Variants in INSYN2B observed in about 807,000 individuals in gnomAD.
INSYN2B encodes protein INSYN2B.
Under a neutral mutation model 41.2 loss-of-function variants are expected in INSYN2B, and 16 were observed. That is an observed-to-expected ratio of 0.39 (90% confidence interval 0.26 to 0.59). INSYN2B has a LOEUF of 0.59. Among genes scored for constraint, INSYN2B ranks in the 20% least tolerant of loss-of-function variants. The probability of loss-of-function intolerance (pLI) is 0.57; values close to 1 mark genes in which losing one functional copy is unlikely to be tolerated. For missense variants in INSYN2B, 608 were observed against 646.4 expected, an observed-to-expected ratio of 0.94 and a Z score of 0.64; for synonymous variants, 245 against 244.4, an observed-to-expected ratio of 1.00 and a Z score of -0.02.
Position 169,863,072 on chromosome 5 carries a change from A to T in INSYN2B, c.*1201T>A, listed in dbSNP as rs1407838726. Among the ~76,000 whole-genome samples the T allele has an allele frequency of 6.6e-6, 1 of 152,210 alleles. No individual in the cohort carries two copies. The highest frequency in any genetic ancestry group is 6.6e-5 in the Admixed American group (1 of 15,266). On this transcript the variant is annotated 3_prime_UTR_variant, in exon 4 of 4. Transcript: ENST00000377365. ...TATATAGCAATTACTTAATTATATT[A>T]CTTTAGTAGTTTGTTCAGCCATGCA...
At chr5:169,866,407 T>G (rs953435556) in intron 3 of INSYN2B, among the ~76,000 whole-genome samples, 1 of 152,250 alleles carries the variant, frequency 6.6e-6, no homozygotes, top group Non-Finnish European at 1.5e-5. Flanking sequence ...GGCTATGGTG[T>G]CCTCATCTGC....
rs1033543210 is a variant in INSYN2B, at chr5:169,883,856, G to A, written c.43C>T (p.Arg15Cys). The A allele has an allele frequency of 3.3e-6, 5 of 1,531,384 alleles. No individual in the cohort carries two copies. The highest frequency in any genetic ancestry group is 4.4e-6 in the Non-Finnish European group (5 of 1,136,168). 94.9% of individuals were successfully genotyped at this position (1,531,384 alleles called of 1,614,324 possible). Residue 15 changes from arginine (R) to cysteine (C), a missense_variant, in exon 2 of 4, where the codon CGT becomes TGT. Coordinates refer to ENST00000377365, the MANE Select transcript of INSYN2B (RefSeq NM_001129891.3). ...AACTCCACTGATTCTAGACTGTTAC[G>A]CTTTAGAAGCACAGGTCTCACTTTC... ...NMKVRPVLLKRNSLESVEFVK... is the reference protein window; with the variant it reads ...NMKVRPVLLKCNSLESVEFVK...
Position 169,864,449 on chromosome 5 carries a change from C to A in INSYN2B, c.1432G>T (p.Asp478Tyr). The change falls in exon 4 of 4, where the codon GAT becomes TAT. Residue 478 changes from aspartate to tyrosine, a missense_variant. Physicochemically the swap from Asp to Tyr is radical, Grantham distance 160. Transcript: ENST00000377365. ...TACIIYSVEY[D>Y]FRQQEGRFHE... ...AACCTGCCTTCCTGCTGCCGAAAATCATACTCTACACTGAAAAACACAGAG... is the reference window on the plus strand; with the variant it reads ...AACCTGCCTTCCTGCTGCCGAAAATAATACTCTACACTGAAAAACACAGAG... 6.5e-7 allele frequency: 1 copy of A among 1,541,270 alleles called. No individual in the cohort carries two copies.
At chr5:169,940,290 T>C (rs898588950) in intron 1 of INSYN2B, among the ~76,000 whole-genome samples, 6 of 152,224 alleles carry the variant, frequency 3.9e-5, no homozygotes, top group Non-Finnish European at 1.5e-5. Context: ...GGGGCAATTT[T>C]GTCTCTCAGC....
intron 1 of INSYN2B, among the ~76,000 whole-genome samples, chr5:169,886,373 G>A (rs1350811038): frequency 6.6e-6 from 1 of 152,176 alleles, no homozygotes; most frequent in Admixed American, 6.5e-5. Flanking sequence ...TTTTAGAATT[G>A]GTTCTATGTT....
intron 1 of INSYN2B, among the ~76,000 whole-genome samples, chr5:169,968,758 G>A (rs1777391363): frequency 6.6e-6 from 1 of 152,200 alleles, no homozygotes; most frequent in African/African-American, 2.4e-5. Context: ...TGTTAATGGT[G>A]ATGAGCAAAA....
intron 3 of INSYN2B, among the ~76,000 whole-genome samples, chr5:169,870,589 T>A (rs1211602199): frequency 6.6e-6 from 1 of 152,042 alleles, no homozygotes; most frequent in East Asian, 1.9e-4. Flanking sequence ...TTTTTTTAAT[T>A]TTTTGATTTT....
intron 3 of INSYN2B, among the ~76,000 whole-genome samples, chr5:169,871,006 C>T (rs1215687226): frequency 6.6e-6 from 1 of 152,172 alleles, no homozygotes; most frequent in Non-Finnish European, 1.5e-5. Context: ...TCCTGGTCTA[C>T]AGACAGCTGT....
At chr5:169,977,899 C>G (rs558647774) in intron 1 of INSYN2B, among the ~76,000 whole-genome samples, 1 of 152,222 alleles carries the variant, frequency 6.6e-6, no homozygotes, top group African/African-American at 2.4e-5. Context: ...CAGACAGCAC[C>G]AATTTCATCC....
At chr5:169,964,798 T>C (rs1202717957) in intron 1 of INSYN2B, among the ~76,000 whole-genome samples, 1 of 152,234 alleles carries the variant, frequency 6.6e-6, no homozygotes, top group East Asian at 1.9e-4. Context: ...GTAAAAGGTG[T>C]ATAATAATGG....
intron 1 of INSYN2B, among the ~76,000 whole-genome samples, chr5:169,888,005 T>G (rs1413278369): frequency 6.6e-6 from 1 of 152,246 alleles, no homozygotes; most frequent in Non-Finnish European, 1.5e-5. Flanking sequence ...TTTCACATGT[T>G]TATTGGTTTT....
chr5:169,958,091 A>C (rs915149209), intron 1 of INSYN2B, among the ~76,000 whole-genome samples: 1 of 152,180 alleles, frequency 6.6e-6, no homozygotes, highest in Non-Finnish European at 1.5e-5. Context: ...AGCAAACATG[A>C]GTGCAAGTGT....
Position 169,918,037 on chromosome 5 carries a change from C to G in INSYN2B, c.-918-33221G>C, listed in dbSNP as rs57709459. ...GCAAGGAAAGGTATTTAGCTGGGAT[C>G]TGAGGATTAGCATAAACTTCTGATA... On this transcript the variant is annotated intron_variant, in intron 1 of 3. Transcript: ENST00000377365. Among the ~76,000 whole-genome samples, 673 of 152,296 alleles carry G rather than the reference C, an allele frequency of 4.4e-3. 5 individuals are homozygous for G. Among genetic ancestry groups the G allele is most frequent in the Middle Eastern group, 0.017 (5 of 294 alleles).
chr5:169,886,412 C>G (rs1213840808), intron 1 of INSYN2B, among the ~76,000 whole-genome samples: 2 of 152,192 alleles, frequency 1.3e-5, no homozygotes, highest in Non-Finnish European at 2.9e-5. Flanking sequence ...ACTTTTAGGT[C>G]TGGGAGAATC....
chr5:169,888,686 G>A lies in INSYN2B; in HGVS notation c.-918-3870C>T, dbSNP rs138089485. 3.3e-4 allele frequency among the ~76,000 whole-genome samples: 50 copies of A among 152,300 alleles called. 1 individual carries two copies. The highest frequency in any genetic ancestry group is 1.2e-3 in the African/African-American group (49 of 41,562). ...CGTAGATGAGACTCTTCCACTTTCT[G>A]ACTATTGACTTGGAACAAGTGACTT... is the stretch of plus-strand genomic sequence containing the variant. On this transcript the variant is annotated intron_variant, in intron 1 of 3. Coordinates refer to ENST00000377365, the MANE Select transcript of INSYN2B (RefSeq NM_001129891.3).
intron 1 of INSYN2B, among the ~76,000 whole-genome samples, chr5:169,979,452 A>T (rs896901919): frequency 1.3e-5 from 2 of 152,330 alleles, no homozygotes; most frequent in Middle Eastern, 3.4e-3. Flanking sequence ...TTATTCCATG[A>T]TTCTATCGCT....
At chr5:169,920,303 G>T (rs557111843) in intron 1 of INSYN2B, among the ~76,000 whole-genome samples, 1 of 152,126 alleles carries the variant, frequency 6.6e-6, no homozygotes, top group African/African-American at 2.4e-5. Context: ...ATAATATTAT[G>T]TAAGATGTAA....
Position 169,883,584 on chromosome 5 carries a change from C to T in INSYN2B, c.315G>A (p.Lys105=). 2 of 1,551,660 alleles carry T rather than the reference C, an allele frequency of 1.3e-6. No homozygotes were observed. Among genetic ancestry groups the T allele is most frequent in the African/African-American group, 1.4e-5 (1 of 73,164 alleles). ...IAIQTSPSLR[K]HFPVFKRKRL... is the part of the protein sequence containing the mutation. ...TCTTCCTTTTGAAAACTGGGAAATGCTTCCTGAGACTGGGGGAAGTTTGGA... is the reference window on the plus strand; with the variant it reads ...TCTTCCTTTTGAAAACTGGGAAATGTTTCCTGAGACTGGGGGAAGTTTGGA... The change falls in exon 2 of 4, where the codon AAG becomes AAA. Residue 105 remains lysine, a synonymous_variant. Coordinates refer to ENST00000377365, the MANE Select transcript of INSYN2B (RefSeq NM_001129891.3).
chr5:169,874,491 T>C (rs1289798121), intron 3 of INSYN2B, among the ~76,000 whole-genome samples: 1 of 151,588 alleles, frequency 6.6e-6, no homozygotes, highest in African/African-American at 2.4e-5. Context: ...TGGTGGCAGA[T>C]TCTGCGTGGC....
Sources: gnomAD v4.1 joint callset for allele counts (sites outside exome capture counted in the v4.1 genomes callset) on GRCh38, gnomAD v4.1.1 for gene constraint, MANE v1.5 for transcripts, NCBI Gene and HGNC (gene_info 2026-07-23, HGNC 2026-07-21) for gene names.